DACT3: variants seen among roughly 807,000 people sequenced by gnomAD.
DACT3 encodes the protein dishevelled binding antagonist of beta catenin 3.
In DACT3, 5 loss-of-function variants were observed where a neutral mutation model predicts 19.6. The ratio of observed to expected loss-of-function variants is 0.26; its 90% CI spans 0.13 to 0.54. DACT3 has a LOEUF of 0.54. DACT3 is among the 20% of genes least tolerant of loss of function. The pLI, the probability that DACT3 is intolerant of heterozygous loss-of-function variation, is 0.95. For synonymous variants in DACT3, 454 were observed against 428.1 expected (o/e 1.06, Z -0.75); for missense variants, 908 against 927.4 (o/e 0.98, Z 0.27).
chr19:46,653,484 C>T (rs898758500), intron 1 of DACT3, among the ~76,000 whole-genome samples: 5 of 151,954 alleles, frequency 3.3e-5, no homozygotes, highest in Admixed American at 2.6e-4. Flanking sequence ...TGTCCAGGAC[C>T]CCCAGATCCC....
Position 46,649,420 on chromosome 19 carries a change from C to A in DACT3, c.952G>T (p.Ala318Ser), listed in dbSNP as rs1412670398. Residue 318 changes from alanine (A) to serine (S), a missense_variant, in exon 4 of 4, where the codon GCC (alanine) becomes TCC (serine). This residue lies in a region of DACT3 where 656 missense variants were observed against 601.8 expected (regional missense o/e 1.09). Transcript: ENST00000391916. Reference sequence around the variant, plus strand: ...GACGCCCAGGCGCGGCTCAAGGCGGCAGGGCTGGTGGGGTGGCCCCCGACG... The same window carrying A: ...GACGCCCAGGCGCGGCTCAAGGCGGAAGGGCTGGTGGGGTGGCCCCCGACG... ...ERVGGHPTSPAALSRAWASSW... is the reference protein window; with the variant it reads ...ERVGGHPTSPSALSRAWASSW... 1.6e-5 allele frequency: 21 copies of A among 1,279,388 alleles called. No individual in the cohort carries two copies. The South Asian group carries it at 2.4e-4, about 15-fold the overall frequency. The allele number at this position is 1,279,388 out of a possible 1,614,324, so 79.3% of individuals were successfully genotyped here. A position where few individuals can be genotyped will look rare whatever the true frequency, so the allele number is the denominator to read the frequency against.
rs1456516273 is a variant in DACT3, at chr19:46,648,185, T to C, written c.*297A>G. On this transcript the variant is annotated 3_prime_UTR_variant, in exon 4 of 4. Coordinates refer to ENST00000391916, the MANE Select transcript of DACT3 (RefSeq NM_145056.3). This position sits in a 1 kb window ranked among gnomAD's most constrained non-coding sequence, Gnocchi z 5.1. ...GAAATTCAAACCGAATTACCCCTTT[T>C]GCATACATGGACACTTACTGTACAG... 7.9e-6 allele frequency: 3 copies of C among 378,072 alleles called. No individual in the cohort carries two copies. Among genetic ancestry groups the C allele is most frequent in the Non-Finnish European group, 1.4e-5 (3 of 209,122 alleles). 23.4% of individuals were successfully genotyped at this position (378,072 alleles called of 1,614,324 possible). A position where few individuals can be genotyped will look rare whatever the true frequency, so the allele number is the denominator to read the frequency against.
Position 46,648,329 on chromosome 19 carries a change from T to TCA in DACT3, c.*152_*153insTG. 1 of 1,326,522 alleles carries TCA rather than the reference T, an allele frequency of 7.5e-7. No homozygotes were observed. Among genetic ancestry groups the TCA allele is most frequent in the Non-Finnish European group, 1.0e-6 (1 of 974,320 alleles). 82.2% of individuals were successfully genotyped at this position (1,326,522 alleles called of 1,614,324 possible). On this transcript the variant is annotated 3_prime_UTR_variant, in exon 4 of 4. Coordinates refer to ENST00000391916, the MANE Select transcript of DACT3 (RefSeq NM_145056.3). The surrounding 1 kb of genome is among the most constrained non-coding windows in gnomAD (Gnocchi z 5.1). ...CCTCTCGGTGGTGGTGGGGGAGCCT[T>TCA]TTCAACCAAGACTGTTAGGAGTGGG...
At chr19:46,656,318 G>A (rs933105544) in intron 1 of DACT3, among the ~76,000 whole-genome samples, 1 of 152,026 alleles carries the variant, frequency 6.6e-6, no homozygotes, top group Non-Finnish European at 1.5e-5. Context: ...CCAAAGTGCT[G>A]GGATTGCATG....
rs1175665012 is a variant in DACT3, at chr19:46,649,619, G to T, written c.753C>A (p.Gly251=). Reference sequence around the variant, plus strand: ...GCCTGCGCAGGAGCGCCGAGATGTAGCCGTCCAGGGGCCGCCCTGCGCCCC... The same window carrying T: ...GCCTGCGCAGGAGCGCCGAGATGTATCCGTCCAGGGGCCGCCCTGCGCCCC... The part of the protein sequence containing the change: ...DAGGAGRPLD[G]YISALLRRRR... The change falls in exon 4 of 4, where the codon GGC becomes GGA. Residue 251 remains glycine (G), a synonymous_variant. Transcript: ENST00000391916. The T allele has an allele frequency of 8.8e-7, 1 of 1,139,572 alleles. No homozygotes were observed. The highest frequency in any genetic ancestry group is 3.0e-5 in the South Asian group (1 of 33,308). The allele number at this position is 1,139,572 out of a possible 1,614,324, so 70.6% of individuals were successfully genotyped here. A position where few individuals can be genotyped will look rare whatever the true frequency, so the allele number is the denominator to read the frequency against.
Position 46,649,147 on chromosome 19 carries a change from CCTCGGCCAT to C in DACT3, c.1216_1224del (p.Met406_Glu408del). 2.4e-6 allele frequency: 3 copies of C among 1,255,290 alleles called. No homozygotes were observed. Among genetic ancestry groups the C allele is most frequent in the Non-Finnish European group, 3.0e-6 (3 of 1,001,804 alleles). 77.8% of individuals were successfully genotyped at this position (1,255,290 alleles called of 1,614,324 possible). A position where few individuals can be genotyped will look rare whatever the true frequency, so the allele number is the denominator to read the frequency against. On this transcript the variant is annotated inframe_deletion, in exon 4 of 4. Coordinates refer to ENST00000391916, the MANE Select transcript of DACT3 (RefSeq NM_145056.3). ...CTGGGCGAGCCGCGGCGGCCCGAAG[CCTCGGCCAT>C]GCGTCCACGGCGGCCGGCGGCCCGG...
At position 46,648,861 on chromosome 19, in the gene DACT3, G is replaced by C. The variant is rs559668585; in HGVS notation, c.1511C>G (p.Pro504Arg). 240 of 1,425,918 alleles carry C rather than the reference G, an allele frequency of 1.7e-4. No homozygotes were observed. The South Asian group carries it at 3.3e-3, about 20-fold the overall frequency. The allele number at this position is 1,425,918 out of a possible 1,614,324, so 88.3% of individuals were successfully genotyped here. Reference protein sequence around the residue: ...APAARVPGPGPSPSAPQRRLL... With the variant: ...APAARVPGPGRSPSAPQRRLL... ...ACGACGCTGGGGAGCTGACGGGGAC[G>C]GGCCGGGGCCGGGAACACGCGCCGC... Residue 504 changes from proline (P) to arginine (R), a missense_variant, in exon 4 of 4, where the codon CCG becomes CGG. Pro to Arg is a moderately radical substitution (Grantham distance 103). Coordinates refer to ENST00000391916, the MANE Select transcript of DACT3 (RefSeq NM_145056.3). The surrounding 1 kb of genome is among the most constrained non-coding windows in gnomAD (Gnocchi z 5.1).
intron 3 of DACT3, 149 bp from the exon 4 acceptor site, chr19:46,650,021 T>C: frequency 1.1e-6 from 1 of 912,768 alleles, no homozygotes; most frequent in Non-Finnish European, 1.4e-6. Flanking sequence ...CACACCTTCC[T>C]TCTTGTAAAA....
At chr19:46,657,781 TGG>T (rs2053043981) in intron 1 of DACT3, among the ~76,000 whole-genome samples, 2 of 151,836 alleles carry the variant, frequency 1.3e-5, no homozygotes, top group Non-Finnish European at 2.9e-5. Context: ...TCGGGCGCAG[TGG>T]CTCACGCCTG....
intron 1 of DACT3, chr19:46,659,370 G>A (rs1375847036): frequency 2.1e-6 from 2 of 962,326 alleles, no homozygotes; most frequent in African/African-American, 1.8e-5. Flanking sequence ...GGGTGAAAAG[G>A]GGAGAGACCG....
chr19:46,658,962 C>T (rs2053052783), intron 1 of DACT3: 1 of 505,632 alleles, frequency 2.0e-6, no homozygotes, highest in Non-Finnish European at 2.6e-6. Context: ...CTGATCTTTA[C>T]CTGGTATCCC....
rs147767840 is a variant in DACT3 at position 46,656,417 on chromosome 19, G to A, written c.250-3342C>T. Among the ~76,000 whole-genome samples the A allele has an allele frequency of 5.8e-3, 883 of 152,058 alleles. 2 individuals carry two copies. The highest frequency in any genetic ancestry group is 9.0e-3 in the Non-Finnish European group (609 of 67,988). On this transcript the variant is annotated intron_variant, in intron 1 of 3. Coordinates refer to ENST00000391916, the MANE Select transcript of DACT3 (RefSeq NM_145056.3). ...GGCTGGACTGCAGTGGCACGATCACGGCTCACTGCAGCCTTCACCTCCTGG... is the reference window on the plus strand; with the variant it reads ...GGCTGGACTGCAGTGGCACGATCACAGCTCACTGCAGCCTTCACCTCCTGG...
intron 3 of DACT3, 108 bp downstream of exon 3, chr19:46,652,552 A>C (rs2052995917): frequency 2.5e-6 from 3 of 1,200,828 alleles, no homozygotes; most frequent in Admixed American, 2.6e-5. Flanking sequence ...TGAAAAGGAA[A>C]TGTCACAGCT....
chr19:46,659,161 G>C, intron 1 of DACT3: 2 of 985,012 alleles, frequency 2.0e-6, no homozygotes, highest in Non-Finnish European at 2.4e-6. Context: ...TATATTTAGC[G>C]CTTCTCTGCT....
rs766383316 is a variant in DACT3, at chr19:46,649,319, C to T, written c.1053G>A (p.Glu351=). ...AAPSPPDSPA[E]GRLVKAQYIP... Reference sequence around the variant, plus strand: ...TGTACTGCGCCTTCACCAAGCGGCCCTCAGCCGGGCTGTCGGGGGGTGAGG... The same window carrying T: ...TGTACTGCGCCTTCACCAAGCGGCCTTCAGCCGGGCTGTCGGGGGGTGAGG... The change falls in exon 4 of 4, where the codon GAG becomes GAA. Residue 351 remains glutamate, a synonymous_variant. Transcript: ENST00000391916. 3.2e-6 allele frequency: 4 copies of T among 1,239,180 alleles called. No homozygotes were observed. The South Asian group carries it at 9.6e-5, about 30-fold the overall frequency. The allele number at this position is 1,239,180 out of a possible 1,614,324, so 76.8% of individuals were successfully genotyped here.
chr19:46,658,015 C>T (rs2053045503), intron 1 of DACT3, among the ~76,000 whole-genome samples: 1 of 151,166 alleles, frequency 6.6e-6, no homozygotes, highest in Admixed American at 6.6e-5. Context: ...ATCACTTGAA[C>T]CTAGGAGGTG....
rs2052956679 is a variant in DACT3, at chr19:46,649,446, C to A, written c.926G>T (p.Arg309Leu). The A allele has an allele frequency of 1.6e-6, 2 of 1,227,478 alleles. No individual in the cohort carries two copies. Among genetic ancestry groups the A allele is most frequent in the Non-Finnish European group, 2.0e-6 (2 of 977,928 alleles). 76.0% of individuals were successfully genotyped at this position (1,227,478 alleles called of 1,614,324 possible). Residue 309 changes from arginine (R) to leucine (L), a missense_variant, in exon 4 of 4, where the codon CGC becomes CTC. Physicochemically the swap from Arg to Leu is moderately radical, Grantham distance 102. Transcript: ENST00000391916. ...ARPAREPSLERVGGHPTSPAA... is the reference protein window; with the variant it reads ...ARPAREPSLELVGGHPTSPAA... ...AGGGCTGGTGGGGTGGCCCCCGACG[C>A]GCTCCAACGAGGGCTCCCGCGCGGG...
At chr19:46,656,444 C>T (rs1474504613) in intron 1 of DACT3, among the ~76,000 whole-genome samples, 1 of 151,960 alleles carries the variant, frequency 6.6e-6, no homozygotes, top group Non-Finnish European at 1.5e-5. Flanking sequence ...ACCTCCTGGG[C>T]TCAGGTGATC....
At position 46,661,044 on chromosome 19, in the gene DACT3, G is replaced by A. The variant is rs2053072165; in HGVS notation, c.21C>T (p.Phe7=). The change falls in exon 1 of 4, where the codon TTC becomes TTT. Residue 7 remains phenylalanine (F), a synonymous_variant. Transcript: ENST00000391916. The part of the protein sequence containing the change: MIRAFS[F]PVSPERGRLR... The stretch of plus-strand genomic sequence containing the variant: ...GCCGGCCCCGCTCAGGGCTCACCGG[G>A]AACGAGAAGGCCCGGATCATGGCTG... 1 of 1,511,344 alleles carries A rather than the reference G, an allele frequency of 6.6e-7. No homozygotes were observed. The highest frequency in any genetic ancestry group is 8.8e-7 in the Non-Finnish European group (1 of 1,136,370). The allele number at this position is 1,511,344 out of a possible 1,614,324, so 93.6% of individuals were successfully genotyped here. A position where few individuals can be genotyped will look rare whatever the true frequency, so the allele number is the denominator to read the frequency against.
Sources: gnomAD v4.1 joint callset for allele counts (sites outside exome capture counted in the v4.1 genomes callset) on GRCh38, gnomAD v4.1.1 for gene constraint, gnomAD v4.1.1 regional missense constraint, Gnocchi (gnomAD v3.1) non-coding constraint, MANE v1.5 for transcripts, NCBI Gene and HGNC (gene_info 2026-07-23, HGNC 2026-07-21) for gene names.